FOCAD: variants seen among roughly 807,000 people sequenced by gnomAD.
FOCAD encodes KIAA1797.
A neutral mutation model predicts 225.6 loss-of-function variants in FOCAD; 198 were observed. That is an observed-to-expected ratio of 0.88 (90% confidence interval 0.78 to 0.99). The LOEUF (loss-of-function observed/expected upper bound fraction) is 0.99. Ranked by LOEUF, FOCAD falls within the 50% of genes least tolerant of loss-of-function variation. The pLI, the probability that FOCAD is intolerant of heterozygous loss-of-function variation, is 0.00. For synonymous variants in FOCAD, 897 were observed against 755.0 expected, an observed-to-expected ratio of 1.19 and a Z score of -3.08; for missense variants, 2,713 against 2,123.6, an observed-to-expected ratio of 1.28 and a Z score of -5.46.
At chr9:20,966,377 T>A (rs1288361185) in intron 35 of FOCAD, among the ~76,000 whole-genome samples, 4 of 152,058 alleles carry the variant, frequency 2.6e-5, no homozygotes, top group Admixed American at 2.0e-4. Context: ...AAAAAAAAAA[T>A]AAATTGCCTG....
rs374132433 is a variant in FOCAD, at chr9:20,862,716, T to G, written c.2055+4T>G. 1.4e-5 allele frequency: 22 copies of G among 1,610,168 alleles called. No homozygotes were observed. The African/African-American group carries it at 2.1e-4, about 16-fold the overall frequency. On this transcript the variant is annotated splice_donor_region_variant and intron_variant, in intron 16 of 43. Coordinates refer to ENST00000338382, the MANE Select transcript of FOCAD (RefSeq NM_001375567.1). ...GGTCAATACAACTGAATATGAGGTA[T>G]GCATTTGGAGCTCAGCACATTGCCT...
intron 2 of FOCAD, among the ~76,000 whole-genome samples, chr9:20,715,897 A>G (rs376704277): frequency 2.0e-5 from 3 of 152,202 alleles, no homozygotes; most frequent in Admixed American, 6.5e-5. Flanking sequence ...GAGCTTTTCA[A>G]TAATTAAATA....
Position 20,990,296 on chromosome 9 carries a change from G to A in FOCAD, c.5178G>A (p.Leu1726=). The part of the protein sequence containing the change: ...LGRSPMHRVT[L]QEVLTLLPNS... ...GGAGTCCAATGCACAGGGTCACTCTGCAGGAGGTTCTCACTCTCCTTCCCA... is the reference window on the plus strand; with the variant it reads ...GGAGTCCAATGCACAGGGTCACTCTACAGGAGGTTCTCACTCTCCTTCCCA... Residue 1726 remains leucine, a synonymous_variant, in exon 42 of 44, where the codon CTG becomes CTA. Coordinates refer to ENST00000338382, the MANE Select transcript of FOCAD (RefSeq NM_001375567.1). 6.2e-7 allele frequency: 1 copy of A among 1,614,112 alleles called. No homozygotes were observed. The highest frequency in any genetic ancestry group is 8.5e-7 in the Non-Finnish European group (1 of 1,180,004).
intron 2 of FOCAD, among the ~76,000 whole-genome samples, chr9:20,675,599 A>G (rs957767726): frequency 6.6e-6 from 1 of 152,226 alleles, no homozygotes; most frequent in African/African-American, 2.4e-5. Flanking sequence ...AAAAATAACA[A>G]AAGAGTTGAA....
chr9:20,951,998 A>G (rs1374043886), intron 34 of FOCAD, among the ~76,000 whole-genome samples: 1 of 152,208 alleles, frequency 6.6e-6, no homozygotes, highest in African/African-American at 2.4e-5. Context: ...CTATGGAAAT[A>G]GGACAACTGG....
chr9:20,796,497 G>T (rs1821123345), intron 11 of FOCAD, among the ~76,000 whole-genome samples: 1 of 152,102 alleles, frequency 6.6e-6, no homozygotes, highest in African/African-American at 2.4e-5. Flanking sequence ...ACTTTTTAAT[G>T]ATCGCCATTC....
intron 2 of FOCAD, among the ~76,000 whole-genome samples, chr9:20,663,499 A>ACC (rs1257955724): frequency 0.017 from 2,571 of 151,776 alleles, 169 homozygotes; most frequent in African/African-American, 0.057. Flanking sequence ...ACACACACAC[A>ACC]CACACACATA....
intron 1 of FOCAD, among the ~76,000 whole-genome samples, chr9:20,686,216 C>T (rs560234376): frequency 6.6e-6 from 1 of 152,250 alleles, no homozygotes; most frequent in South Asian, 2.1e-4. Flanking sequence ...GAGTGCAGTG[C>T]TGCGATCTCG....
intron 10 of FOCAD, among the ~76,000 whole-genome samples, chr9:20,785,505 A>T (rs373547460): frequency 4.6e-5 from 7 of 152,200 alleles, no homozygotes; most frequent in African/African-American, 1.7e-4. Flanking sequence ...ATCATACAAT[A>T]TGTGGTCCTT....
intron 5 of FOCAD, among the ~76,000 whole-genome samples, chr9:20,749,018 G>C (rs1361643955): frequency 6.6e-6 from 1 of 152,048 alleles, no homozygotes; most frequent in Non-Finnish European, 1.5e-5. Flanking sequence ...TTTGTCTCTA[G>C]GTGTTTTTTT....
intron 15 of FOCAD, among the ~76,000 whole-genome samples, chr9:20,835,935 C>T (rs1029247023): frequency 8.6e-5 from 13 of 152,008 alleles, no homozygotes; most frequent in East Asian, 7.7e-4. Flanking sequence ...GATTCTTGAC[C>T]GCTAGAAGAG....
intron 6 of FOCAD, among the ~76,000 whole-genome samples, chr9:20,763,170 T>A: frequency 6.6e-6 from 1 of 152,228 alleles, no homozygotes; most frequent in East Asian, 1.9e-4. Context: ...AAAACTACTC[T>A]GTAACTTAGT....
At chr9:20,921,465 T>A (rs976836208) in intron 24 of FOCAD, among the ~76,000 whole-genome samples, 3 of 152,212 alleles carry the variant, frequency 2.0e-5, no homozygotes, top group Admixed American at 1.3e-4. Context: ...GAACCAGTTA[T>A]AGATTCCCAC....
chr9:20,929,977 T>G (rs915544824), intron 27 of FOCAD, among the ~76,000 whole-genome samples: 2 of 152,192 alleles, frequency 1.3e-5, no homozygotes, highest in Admixed American at 6.5e-5. Flanking sequence ...TTTGTTGATA[T>G]CATTGAAAAT....
At position 20,710,093 on chromosome 9, in the gene FOCAD, A is replaced by G. The variant is rs1318245552; in HGVS notation, c.-32-5229A>G. 3.3e-5 allele frequency among the ~76,000 whole-genome samples: 5 copies of G among 152,148 alleles called. No homozygotes were observed. In the South Asian group the frequency reaches 6.2e-4, roughly 19 times the overall value. The stretch of plus-strand genomic sequence containing the variant: ...ACATCTTCTTCTGTATAGTTCTATC[A>G]CCATTGATATTTGAGTAATTATATT... On this transcript the variant is annotated intron_variant, in intron 1 of 43. Coordinates refer to ENST00000338382, the MANE Select transcript of FOCAD (RefSeq NM_001375567.1).
At chr9:20,783,184 C>T (rs913051291) in intron 10 of FOCAD, among the ~76,000 whole-genome samples, 1 of 152,120 alleles carries the variant, frequency 6.6e-6, no homozygotes, top group Non-Finnish European at 1.5e-5. Context: ...ACTTGGTTTA[C>T]TATTTGCTCA....
intron 23 of FOCAD, among the ~76,000 whole-genome samples, chr9:20,914,627 G>A (rs1190180419): frequency 6.6e-6 from 1 of 152,176 alleles, no homozygotes. Context: ...ACCTGGCAAA[G>A]CCTGTGTGGC....
intron 21 of FOCAD, among the ~76,000 whole-genome samples, chr9:20,899,402 GGTTTCTGTCTGTGA>G (rs1446238702): frequency 6.6e-6 from 1 of 151,908 alleles, no homozygotes; most frequent in Non-Finnish European, 1.5e-5. Flanking sequence ...TTACTGTGGT[GGTTTCTGTCTGTGA>G]GTTTCTGCTT....
chr9:20,862,594 C>T lies in FOCAD; in HGVS notation c.1937C>T (p.Ser646Phe). The T allele has an allele frequency of 1.9e-6, 3 of 1,613,104 alleles. No individual in the cohort carries two copies. The highest frequency in any genetic ancestry group is 2.2e-5 in the East Asian group (1 of 44,846). ...LCQAEVVCIR[S>F]TWNALSPKLS... The stretch of plus-strand genomic sequence containing the variant: ...GCTTCACAGGTTGTTTGCATTCGCT[C>T]CACTTGGAATGCTCTCTCTCCAAAG... Residue 646 changes from serine (S) to phenylalanine (F), a missense_variant, in exon 16 of 44, where the codon TCC (serine) becomes TTC (phenylalanine). Ser to Phe is a radical substitution (Grantham distance 155). Transcript: ENST00000338382.
Sources: allele counts gnomAD v4.1 joint callset (sites outside exome capture counted in the v4.1 genomes callset), GRCh38; gene constraint gnomAD v4.1.1; transcripts MANE v1.5; gene names NCBI Gene and HGNC (gene_info 2026-07-23, HGNC 2026-07-21).